Variants in CDH13 observed in about 807,000 individuals in gnomAD.
CDH13 encodes the protein cadherin 13.
Under a neutral mutation model 63.8 loss-of-function variants are expected in CDH13, and 24 were observed. The observed-to-expected ratio is 0.38, with a 90% CI of 0.27 to 0.53. The LOEUF (loss-of-function observed/expected upper bound fraction) is 0.53, where lower values mean the gene tolerates loss of function less well. Ranked by LOEUF, CDH13 falls within the 20% of genes least tolerant of loss-of-function variation. The pLI, the probability that CDH13 is intolerant of heterozygous loss-of-function variation, is 0.85. For missense variants in CDH13, 1,049 were observed against 903.1 expected (o/e 1.16, Z -2.07); for synonymous variants, 503 against 355.3 (o/e 1.42, Z -4.67).
intron 5 of CDH13, among the ~76,000 whole-genome samples, chr16:83,239,040 C>A (rs1567530673): frequency 6.6e-6 from 1 of 152,168 alleles, no homozygotes; most frequent in African/African-American, 2.4e-5. Context: ...GTTACATTCT[C>A]CATGGGCGCT....
chr16:82,869,279 C>G (rs754926792), intron 2 of CDH13, among the ~76,000 whole-genome samples: 1 of 152,014 alleles, frequency 6.6e-6, no homozygotes, highest in Middle Eastern at 3.2e-3. Context: ...CTCCTGGCCT[C>G]AAACGATCGT....
intron 4 of CDH13, among the ~76,000 whole-genome samples, chr16:83,131,398 C>G (rs1239674873): frequency 1.3e-5 from 2 of 152,210 alleles, no homozygotes; most frequent in Non-Finnish European, 2.9e-5. Context: ...TTTTTGAACT[C>G]TAGACAGCAG....
chr16:83,343,065 T>C (rs547878941), intron 5 of CDH13, among the ~76,000 whole-genome samples: 1 of 152,062 alleles, frequency 6.6e-6, no homozygotes, highest in Non-Finnish European at 1.5e-5. Flanking sequence ...ATTACGAGGC[T>C]CTGTTCACTT....
At chr16:83,095,305 T>A (rs945531878) in intron 3 of CDH13, among the ~76,000 whole-genome samples, 1 of 152,184 alleles carries the variant, frequency 6.6e-6, no homozygotes, top group Non-Finnish European at 1.5e-5. Context: ...ATCAACATGG[T>A]ACTGGTGTAG....
intron 6 of CDH13, among the ~76,000 whole-genome samples, chr16:83,446,992 A>C (rs76180098): frequency 2.8e-5 from 4 of 142,298 alleles, no homozygotes; most frequent in Non-Finnish European, 4.5e-5. Flanking sequence ...CCTGCATTGA[A>C]GGGGTTAAGA....
At chr16:83,647,766 T>C (rs910232308) in intron 8 of CDH13, among the ~76,000 whole-genome samples, 3 of 152,148 alleles carry the variant, frequency 2.0e-5, no homozygotes, top group African/African-American at 7.2e-5. Flanking sequence ...ATCTGGTTGG[T>C]GGGTACCAGC....
At chr16:83,512,379 A>G (rs1300802393) in intron 7 of CDH13, among the ~76,000 whole-genome samples, 1 of 147,152 alleles carries the variant, frequency 6.8e-6, no homozygotes, top group Non-Finnish European at 1.5e-5. Flanking sequence ...TAAAATAAAA[A>G]TAAAGGAAGG....
At chr16:83,444,935 C>T (rs1468542190) in intron 6 of CDH13, among the ~76,000 whole-genome samples, 2 of 98,620 alleles carry the variant, frequency 2.0e-5, no homozygotes, top group Non-Finnish European at 4.7e-5. Flanking sequence ...TCTGTTCCCA[C>T]GTTGCAGGTA....
At chr16:83,692,542 T>C (rs944820445) in intron 10 of CDH13, among the ~76,000 whole-genome samples, 5 of 152,242 alleles carry the variant, frequency 3.3e-5, no homozygotes, top group Non-Finnish European at 2.9e-5. Flanking sequence ...CCCACTTCCC[T>C]GTGCATTCTA....
At chr16:83,411,311 T>G (rs906670465) in intron 6 of CDH13, among the ~76,000 whole-genome samples, 1 of 152,214 alleles carries the variant, frequency 6.6e-6, no homozygotes, top group Non-Finnish European at 1.5e-5. Flanking sequence ...CCCCCTTTAC[T>G]GTGTTCCATT....
intron 1 of CDH13, among the ~76,000 whole-genome samples, chr16:82,805,673 G>C (rs999675578): frequency 6.6e-6 from 1 of 152,150 alleles, no homozygotes; most frequent in Admixed American, 6.5e-5. Context: ...GACTAGGTGT[G>C]GGTGTCTGAT....
chr16:82,629,981 G>A (rs1907811638), intron 1 of CDH13, among the ~76,000 whole-genome samples: 2 of 152,202 alleles, frequency 1.3e-5, no homozygotes, highest in South Asian at 4.1e-4. Flanking sequence ...AGGAATTTAG[G>A]GAGGGGTTCA....
intron 10 of CDH13, among the ~76,000 whole-genome samples, chr16:83,690,656 C>A (rs905307444): frequency 6.6e-6 from 1 of 152,198 alleles, no homozygotes; most frequent in South Asian, 2.1e-4. Flanking sequence ...AGGTAAGAGG[C>A]CATATGGGTC....
At chr16:82,770,525 AATC>A (rs2084038774) in intron 1 of CDH13, among the ~76,000 whole-genome samples, 1 of 152,212 alleles carries the variant, frequency 6.6e-6, no homozygotes, top group South Asian at 2.1e-4. Flanking sequence ...CTGCTTAAAA[AATC>A]ATCATAAGTT....
chr16:83,316,218 C>A (rs1052499722), intron 5 of CDH13, among the ~76,000 whole-genome samples: 2 of 152,154 alleles, frequency 1.3e-5, no homozygotes, highest in Non-Finnish European at 2.9e-5. Flanking sequence ...CCACGAGGTC[C>A]CTCCCCAAAC....
intron 2 of CDH13, among the ~76,000 whole-genome samples, chr16:82,963,521 T>A (rs1011255653): frequency 1.3e-5 from 2 of 152,234 alleles, no homozygotes; most frequent in African/African-American, 4.8e-5. Flanking sequence ...CTCCACTTTT[T>A]AAGTGACTCT....
intron 5 of CDH13, among the ~76,000 whole-genome samples, chr16:83,268,452 C>G (rs111240786): frequency 6.6e-6 from 1 of 152,180 alleles, no homozygotes; most frequent in East Asian, 1.9e-4. Flanking sequence ...TTTTCCAAAC[C>G]AGCAGTCAGC....
At chr16:83,684,579 A>T (rs1479117486) in intron 10 of CDH13, among the ~76,000 whole-genome samples, 1 of 152,224 alleles carries the variant, frequency 6.6e-6, no homozygotes, top group Non-Finnish European at 1.5e-5. Context: ...AAGGGCAACC[A>T]AGTAGCAATT....
chr16:83,492,470 T>C (rs1366039732), intron 7 of CDH13, among the ~76,000 whole-genome samples: 1 of 152,206 alleles, frequency 6.6e-6, no homozygotes, highest in African/African-American at 2.4e-5. Context: ...TACTCATAAA[T>C]ATTTCTGTTG....
Sources: allele counts gnomAD v4.1 joint callset (sites outside exome capture counted in the v4.1 genomes callset), GRCh38; gene constraint gnomAD v4.1.1; transcripts MANE v1.5; gene names NCBI Gene and HGNC (gene_info 2026-07-23, HGNC 2026-07-21).